Variants in C10orf143 observed in about 807,000 individuals in gnomAD.
The protein encoded by C10orf143 is uncharacterized protein C10orf143.
At chr10:130,051,051 AT>A (rs1360069201) in intron 3 of C10orf143, among the ~76,000 whole-genome samples, 1 of 152,184 alleles carries the variant, frequency 6.6e-6, no homozygotes, top group East Asian at 1.9e-4. Flanking sequence ...CCAACTTGCC[AT>A]TTATTCAAGG....
intron 1 of C10orf143, among the ~76,000 whole-genome samples, chr10:130,096,510 T>C (rs1431594170): frequency 6.8e-6 from 1 of 146,910 alleles, no homozygotes; most frequent in Non-Finnish European, 1.5e-5. Flanking sequence ...ATTGCAGCAC[T>C]ATTCACAATA....
intron 1 of C10orf143, among the ~76,000 whole-genome samples, chr10:130,100,473 T>G (rs1861530796): frequency 1.3e-5 from 2 of 152,076 alleles, no homozygotes. Flanking sequence ...AAGGTTGCAG[T>G]GAGCTACTGC....
rs1860919610 is a variant in C10orf143 at position 130,065,622 on chromosome 10, C to T, written c.298-1239G>A. On this transcript the variant is annotated intron_variant, in intron 3 of 3. Coordinates refer to ENST00000637128, the MANE Select transcript of C10orf143 (RefSeq NM_001355042.2). This position sits in a 1 kb window ranked among gnomAD's most constrained non-coding sequence, Gnocchi z 4.2. The stretch of plus-strand genomic sequence containing the variant: ...ATTTACTCAACAGGCCTGCGCTTCC[C>T]AGAATATTCCCAGAATCACATGTGT... 6.6e-6 allele frequency: 1 copy of T among 152,154 alleles called. No individual in the cohort carries two copies. The highest frequency in any genetic ancestry group is 2.4e-5 in the African/African-American group (1 of 41,424). 9.4% of individuals were successfully genotyped at this position (152,154 alleles called of 1,614,324 possible).
intron 3 of C10orf143, among the ~76,000 whole-genome samples, chr10:130,046,748 A>G (rs1239937821): frequency 1.3e-5 from 2 of 152,322 alleles, no homozygotes; most frequent in Admixed American, 6.5e-5. Context: ...TGAGGCCACC[A>G]GCTCGCCCAC....
At chr10:130,088,502 G>A (rs1247853874) in intron 1 of C10orf143, among the ~76,000 whole-genome samples, 1 of 152,160 alleles carries the variant, frequency 6.6e-6, no homozygotes, top group Admixed American at 6.5e-5. Context: ...TCATTTTGAA[G>A]GTATTTTGAG....
At chr10:130,043,353 C>T (rs1475771033) in intron 3 of C10orf143, among the ~76,000 whole-genome samples, 4 of 152,190 alleles carry the variant, frequency 2.6e-5, no homozygotes, top group Non-Finnish European at 4.4e-5. Context: ...GCTGGCTAGA[C>T]ACAAAACACA....
At chr10:130,046,493 A>G (rs1373458229) in intron 3 of C10orf143, among the ~76,000 whole-genome samples, 1 of 152,174 alleles carries the variant, frequency 6.6e-6, no homozygotes, top group Non-Finnish European at 1.5e-5. Context: ...CTGCCGTAAG[A>G]GTCTCGGGGT....
At chr10:130,059,498 G>A (rs1303341422), downstream of C10orf143, among the ~76,000 whole-genome samples, 4 of 152,182 alleles carry the variant, frequency 2.6e-5, no homozygotes, top group African/African-American at 9.7e-5. Flanking sequence ...CGGCCAGTAA[G>A]CATCTCCAAA....
chr10:130,084,673 CAT>C (rs1027273930), intron 1 of C10orf143, among the ~76,000 whole-genome samples: 9 of 141,552 alleles, frequency 6.4e-5, no homozygotes, highest in East Asian at 2.1e-4. Flanking sequence ...CACACACACA[CAT>C]ACATATATAT....
intron 4 of C10orf143, among the ~76,000 whole-genome samples, chr10:130,035,446 G>A (rs1352244505): frequency 6.6e-6 from 1 of 152,134 alleles, no homozygotes; most frequent in Non-Finnish European, 1.5e-5. Flanking sequence ...ATGAATTTGG[G>A]GGGACTCAAT....
intron 3 of C10orf143, among the ~76,000 whole-genome samples, chr10:130,072,918 G>A (rs973109232): frequency 3.3e-5 from 5 of 152,186 alleles, no homozygotes; most frequent in African/African-American, 1.2e-4. Context: ...AAACAGACTT[G>A]TTCAATGCAA....
intron 1 of C10orf143, among the ~76,000 whole-genome samples, chr10:130,101,868 A>G (rs1206817964): frequency 7.5e-6 from 1 of 133,784 alleles, no homozygotes; most frequent in South Asian, 2.4e-4. Context: ...AAAAAACCAA[A>G]AAAAAAAAAA....
intron 1 of C10orf143, among the ~76,000 whole-genome samples, chr10:130,089,024 A>G (rs889290100): frequency 2.0e-5 from 3 of 152,174 alleles, no homozygotes; most frequent in East Asian, 3.9e-4. Context: ...TCGAGCTTTC[A>G]GTCCACACTC....
intron 3 of C10orf143, among the ~76,000 whole-genome samples, chr10:130,058,394 A>G (rs576606310): frequency 6.6e-6 from 1 of 152,208 alleles, no homozygotes; most frequent in East Asian, 1.9e-4. Context: ...TGGGGGTTAA[A>G]TATGCTAATG....
chr10:130,044,575 A>G (rs1351830621), intron 3 of C10orf143, among the ~76,000 whole-genome samples: 13 of 152,202 alleles, frequency 8.5e-5, no homozygotes. Flanking sequence ...GGGCTCGGAA[A>G]GGCATCACGC....
At chr10:130,100,723 G>A (rs1428547725) in intron 1 of C10orf143, among the ~76,000 whole-genome samples, 1 of 152,120 alleles carries the variant, frequency 6.6e-6, no homozygotes, top group Non-Finnish European at 1.5e-5. Flanking sequence ...ATTAGTGGAC[G>A]GCTAGACATT....
downstream of C10orf143, among the ~76,000 whole-genome samples, chr10:130,060,627 T>C (rs187869774): frequency 1.4e-3 from 207 of 147,136 alleles, no homozygotes; most frequent in Middle Eastern, 0.016. Context: ...ATCGAGACCA[T>C]CCTGGCTAAC....
chr10:130,076,793 G>A (rs1861125712), intron 3 of C10orf143, among the ~76,000 whole-genome samples: 1 of 152,122 alleles, frequency 6.6e-6, no homozygotes, highest in Non-Finnish European at 1.5e-5. Flanking sequence ...CAAGCCGCGC[G>A]ATCCGGGAAT....
intron 1 of C10orf143, among the ~76,000 whole-genome samples, chr10:130,101,457 T>G (rs146142978): frequency 6.6e-6 from 1 of 152,008 alleles, no homozygotes; most frequent in Admixed American, 6.6e-5. Context: ...AGCTCTTTCA[T>G]TGGAAGCAAC....
Sources: allele counts gnomAD v4.1 joint callset (sites outside exome capture counted in the v4.1 genomes callset), GRCh38; gene constraint gnomAD v4.1.1; non-coding constraint Gnocchi (gnomAD v3.1); transcripts MANE v1.5; gene names NCBI Gene and HGNC (gene_info 2026-07-23, HGNC 2026-07-21).